Variants in KIF18A observed in about 807,000 individuals in gnomAD.
KIF18A encodes kinesin family member 18A, also known as kinesin-like protein KIF18A.
KIF18A carries 67 observed loss-of-function variants against 103.3 expected under a neutral mutation model. The ratio of observed to expected loss-of-function variants is 0.65; its 90% CI spans 0.53 to 0.79. The LOEUF (loss-of-function observed/expected upper bound fraction) is 0.79. KIF18A is among the 30% of genes least tolerant of loss of function. The pLI is 0.00. For synonymous variants in KIF18A, 367 were observed against 355.5 expected (o/e 1.03, Z -0.36); for missense variants, 1,032 against 1,062.5 (o/e 0.97, Z 0.40).
chr11:28,081,084 T>C (rs1851159840), intron 9 of KIF18A, among the ~76,000 whole-genome samples: 1 of 152,158 alleles, frequency 6.6e-6, no homozygotes, highest in Non-Finnish European at 1.5e-5. Flanking sequence ...AGAGGAAAAT[T>C]CTGAAACTAG....
intron 5 of KIF18A, among the ~76,000 whole-genome samples, chr11:28,089,431 C>T (rs1212203320): frequency 6.6e-6 from 1 of 152,042 alleles, no homozygotes; most frequent in Admixed American, 6.5e-5. Context: ...AATACATAAA[C>T]CAGTAACACA....
At chr11:28,107,597 CAGTT>C (rs1245437258) in intron 1 of KIF18A, among the ~76,000 whole-genome samples, 6 of 152,142 alleles carry the variant, frequency 3.9e-5, no homozygotes, top group Admixed American at 1.3e-4. Flanking sequence ...GCAAGACTAA[CAGTT>C]AAAGCTCTTC....
At chr11:28,090,052 G>A (rs550820804) in intron 5 of KIF18A, among the ~76,000 whole-genome samples, 7 of 152,246 alleles carry the variant, frequency 4.6e-5, no homozygotes, top group African/African-American at 1.7e-4. Context: ...CTTATAAGAT[G>A]TATCTCAGAT....
chr11:28,039,884 TAA>T (rs1344868682), intron 13 of KIF18A, among the ~76,000 whole-genome samples: 1 of 151,754 alleles, frequency 6.6e-6, no homozygotes, highest in Non-Finnish European at 1.5e-5. Flanking sequence ...GATATAAATC[TAA>T]AGAGTTCTTT....
At chr11:28,077,710 G>C (rs1851112771) in intron 9 of KIF18A, among the ~76,000 whole-genome samples, 1 of 152,142 alleles carries the variant, frequency 6.6e-6, no homozygotes, top group Non-Finnish European at 1.5e-5. Flanking sequence ...ATTTGTTATA[G>C]TGAAAACAGA....
intron 11 of KIF18A, among the ~76,000 whole-genome samples, chr11:28,067,641 T>C (rs1003052064): frequency 1.4e-4 from 21 of 152,210 alleles, no homozygotes; most frequent in African/African-American, 4.1e-4. Flanking sequence ...TTCCTTCACC[T>C]GTATTTTCTG....
chr11:28,021,133 GA>G lies in KIF18A; in HGVS notation c.*66del. ...TTTCAAAGATTTTAAATATATTTTT[GA>G]AAGGGTATTGATAAACTTTGAAAAG... On this transcript the variant is annotated 3_prime_UTR_variant, in exon 17 of 17. Transcript: ENST00000263181. The G allele has an allele frequency of 7.5e-7, 1 of 1,327,938 alleles. No individual in the cohort carries two copies. Among genetic ancestry groups the G allele is most frequent in the Non-Finnish European group, 9.8e-7 (1 of 1,025,556 alleles). 82.3% of individuals were successfully genotyped at this position (1,327,938 alleles called of 1,614,324 possible). A position where few individuals can be genotyped will look rare whatever the true frequency, so the allele number is the denominator to read the frequency against.
At chr11:28,081,523 C>A (rs905879113) in intron 9 of KIF18A, among the ~76,000 whole-genome samples, 58 of 152,210 alleles carry the variant, frequency 3.8e-4, no homozygotes, top group African/African-American at 1.4e-3. Flanking sequence ...CATCCGTTTA[C>A]TTAATAATTT....
intron 13 of KIF18A, among the ~76,000 whole-genome samples, chr11:28,056,095 G>C (rs566513570): frequency 7.3e-5 from 11 of 150,596 alleles, no homozygotes; most frequent in African/African-American, 2.7e-4. Context: ...AAATAGTTAT[G>C]ATGCATTGTT....
At chr11:28,026,754 G>A (rs1458875209) in intron 15 of KIF18A, among the ~76,000 whole-genome samples, 3 of 151,678 alleles carry the variant, frequency 2.0e-5, no homozygotes, top group Admixed American at 6.6e-5. Flanking sequence ...CATACTACCA[G>A]TGAAGGACAA....
At chr11:28,103,385 C>A (rs1444557956) in intron 1 of KIF18A, among the ~76,000 whole-genome samples, 1 of 150,046 alleles carries the variant, frequency 6.7e-6, no homozygotes, top group Non-Finnish European at 1.5e-5. Context: ...ATAATAGATA[C>A]TAAACCTGAA....
chr11:28,021,161 A>T lies in KIF18A; in HGVS notation c.*39T>A. 1 of 1,449,622 alleles carries T rather than the reference A, an allele frequency of 6.9e-7. No homozygotes were observed. Among genetic ancestry groups the T allele is most frequent in the Non-Finnish European group, 9.1e-7 (1 of 1,097,070 alleles). 89.8% of individuals were successfully genotyped at this position (1,449,622 alleles called of 1,614,324 possible). On this transcript the variant is annotated 3_prime_UTR_variant, in exon 17 of 17. Coordinates refer to ENST00000263181, the MANE Select transcript of KIF18A (RefSeq NM_031217.4). Reference sequence around the variant, plus strand: ...AGGGTATTGATAAACTTTGAAAAGCAGATTTGATCAACTTCATTTTGCTTG... The same window carrying T: ...AGGGTATTGATAAACTTTGAAAAGCTGATTTGATCAACTTCATTTTGCTTG...
intron 10 of KIF18A, among the ~76,000 whole-genome samples, chr11:28,075,031 A>C (rs1851071643): frequency 1.3e-5 from 2 of 152,178 alleles, no homozygotes; most frequent in South Asian, 4.1e-4. Context: ...CTTAGAACTC[A>C]TGCTTCTTGA....
rs868772526 is a variant in KIF18A at position 28,094,617 on chromosome 11, T to C, written c.483+26A>G. On this transcript the variant is annotated intron_variant, in intron 3 of 16. Transcript: ENST00000263181. ...TCATGTCAATGATTTCCCAAAACTATTGATTAATCTAAATTCCCAACTTAC... is the reference window on the plus strand; with the variant it reads ...TCATGTCAATGATTTCCCAAAACTACTGATTAATCTAAATTCCCAACTTAC... 27 of 1,534,906 alleles carry C rather than the reference T, an allele frequency of 1.8e-5. 2 individuals carry two copies. In the Middle Eastern group the frequency reaches 4.1e-3, roughly 234 times the overall value.
chr11:28,027,180 T>C (rs1173925121), intron 15 of KIF18A, among the ~76,000 whole-genome samples: 1 of 151,778 alleles, frequency 6.6e-6, no homozygotes, highest in Non-Finnish European at 1.5e-5. Flanking sequence ...TAAGGTCTTC[T>C]ATAAACTTTT....
rs1850620067 is a variant in KIF18A at position 28,045,494 on chromosome 11, T to C, written c.1949-8830A>G. On this transcript the variant is annotated intron_variant, in intron 13 of 16. Coordinates refer to ENST00000263181, the MANE Select transcript of KIF18A (RefSeq NM_031217.4). ...TACTTCTAATAAATGTTTTAAATAA[T>C]ATTTTATTTAATTATAAAATATTTC... 9.2e-5 allele frequency among the ~76,000 whole-genome samples: 14 copies of C among 151,910 alleles called. No homozygotes were observed. The South Asian group carries it at 2.3e-3, about 25-fold the overall frequency.
chr11:28,041,182 G>C (rs955917501), intron 13 of KIF18A, among the ~76,000 whole-genome samples: 2 of 151,704 alleles, frequency 1.3e-5, no homozygotes, highest in African/African-American at 4.8e-5. Flanking sequence ...ACATTTTTGA[G>C]GGGAGAAGGC....
In KIF18A at chr11:28,098,008, G is replaced by C. The variant is rs1035973368; in HGVS notation, c.-46-15C>G. 4.1e-5 allele frequency: 52 copies of C among 1,273,366 alleles called. No individual in the cohort carries two copies. The highest frequency in any genetic ancestry group is 5.0e-5 in the Non-Finnish European group (46 of 928,734). 78.9% of individuals were successfully genotyped at this position (1,273,366 alleles called of 1,614,324 possible). ...TGAATACTTCTCTGAAATTAAAAAA[G>C]AAAATAAAGTTTTAATATCAGTTTT... On this transcript the variant is annotated splice_polypyrimidine_tract_variant and intron_variant, in intron 1 of 16. Coordinates refer to ENST00000263181, the MANE Select transcript of KIF18A (RefSeq NM_031217.4).
chr11:28,096,601 T>C (rs1211348028), intron 2 of KIF18A, among the ~76,000 whole-genome samples: 1 of 152,118 alleles, frequency 6.6e-6, no homozygotes, highest in Non-Finnish European at 1.5e-5. Context: ...TGAAGTTTCA[T>C]GAAAGAGGAA....
Sources: allele counts gnomAD v4.1 joint callset (sites outside exome capture counted in the v4.1 genomes callset), GRCh38; gene constraint gnomAD v4.1.1; transcripts MANE v1.5; gene names NCBI Gene and HGNC (gene_info 2026-07-23, HGNC 2026-07-21).